ATXN2: variants seen among roughly 807,000 people sequenced by gnomAD.
The protein encoded by ATXN2 is ataxin 2.
Under a neutral mutation model 138.6 loss-of-function variants are expected in ATXN2, and 37 were observed. The ratio of observed to expected loss-of-function variants is 0.27; its 90% CI spans 0.21 to 0.35. The LOEUF (loss-of-function observed/expected upper bound fraction) is 0.35, where lower values mean the gene tolerates loss of function less well. ATXN2 is among the 10% of genes least tolerant of loss of function. The probability of loss-of-function intolerance (pLI) is 1.00; values close to 1 mark genes in which losing one functional copy is unlikely to be tolerated. For synonymous variants in ATXN2, 549 were observed against 543.7 expected (o/e 1.01, Z -0.13); for missense variants, 1,216 against 1,480.3 (o/e 0.82, Z 2.93).
At chr12:111,457,046 C>A (rs1022072563) in intron 22 of ATXN2, among the ~76,000 whole-genome samples, 168 bp downstream of exon 22, 2 of 152,208 alleles carry the variant, frequency 1.3e-5, no homozygotes, top group Non-Finnish European at 2.9e-5. Flanking sequence ...CTGCGCCCAG[C>A]CTTTAAATGT....
At chr12:111,466,122 C>T (rs1197987185) in intron 20 of ATXN2, among the ~76,000 whole-genome samples, 10 of 150,008 alleles carry the variant, frequency 6.7e-5, no homozygotes, top group South Asian at 2.1e-4. Flanking sequence ...GCTGAGATCG[C>T]GCCACTGCAC....
chr12:111,465,594 A>G (rs1257416656), intron 20 of ATXN2, among the ~76,000 whole-genome samples: 1 of 151,498 alleles, frequency 6.6e-6, no homozygotes, highest in Non-Finnish European at 1.5e-5. Context: ...AGACGGTGAA[A>G]CCCCGTCTCT....
At chr12:111,464,789 A>G (rs943094647) in intron 20 of ATXN2, 74 bp from the exon 21 acceptor site, 6 of 1,156,290 alleles carry the variant, frequency 5.2e-6, no homozygotes, top group African/African-American at 1.5e-5. Flanking sequence ...AAAGGTTGAC[A>G]TATTAGTAAT....
At position 111,599,018 on chromosome 12, in the gene ATXN2, T is replaced by C; in HGVS notation, c.17A>G (p.Gln6Arg). Residue 6 changes from glutamine (Q) to arginine (R), a missense_variant, in exon 1 of 25, where the codon CAG (glutamine) becomes CGG (arginine). Physicochemically the swap from Gln to Arg is conservative, Grantham distance 43 (BLOSUM62 1). This residue lies in a region of ATXN2 where 110 missense variants were observed against 88.7 expected (regional missense o/e 1.24). Transcript: ENST00000673436. ...CTGCTGCTGCTGCTGCTGCTGCTGC[T>C]GGGGCTTCAGCGACATGGTGAGGGG... The part of the protein sequence containing the change: MSLKP[Q>R]QQQQQQQQQQ... The C allele has an allele frequency of 1.3e-6, 2 of 1,503,358 alleles. No individual in the cohort carries two copies. Among genetic ancestry groups the C allele is most frequent in the East Asian group, 2.8e-5 (1 of 36,280 alleles). 93.1% of individuals were successfully genotyped at this position (1,503,358 alleles called of 1,614,324 possible).
intron 14 of ATXN2, among the ~76,000 whole-genome samples, chr12:111,507,085 C>A (rs1360444322): frequency 6.6e-6 from 1 of 152,022 alleles, no homozygotes; most frequent in Non-Finnish European, 1.5e-5. Context: ...CCGGCCGCCA[C>A]CCCGTCTGGG....
At chr12:111,486,621 A>C in intron 16 of ATXN2, 140 bp downstream of exon 16, 2 of 644,046 alleles carry the variant, frequency 3.1e-6, no homozygotes, top group Non-Finnish European at 2.7e-6. Flanking sequence ...AGTATTCATT[A>C]ATGGCCATGT....
intron 5 of ATXN2, among the ~76,000 whole-genome samples, chr12:111,534,183 T>C (rs1410325445): frequency 6.6e-6 from 1 of 151,940 alleles, no homozygotes; most frequent in African/African-American, 2.4e-5. Context: ...GTGGACTGCC[T>C]GAGCTCAGGA....
chr12:111,595,761 G>A (rs187261296), intron 1 of ATXN2, among the ~76,000 whole-genome samples: 9 of 151,474 alleles, frequency 5.9e-5, no homozygotes, highest in African/African-American at 2.2e-4. Flanking sequence ...GCAAAAATAA[G>A]AATTAGACTG....
At chr12:111,475,812 A>G (rs1472635786) in intron 18 of ATXN2, among the ~76,000 whole-genome samples, 2 of 152,196 alleles carry the variant, frequency 1.3e-5, no homozygotes, top group African/African-American at 2.4e-5. Context: ...AGGTAGTCCT[A>G]TTAGATTAGT....
chr12:111,520,988 A>C lies in ATXN2; in HGVS notation c.697-15T>G, dbSNP rs1880127131. 1 of 1,500,108 alleles carries C rather than the reference A, an allele frequency of 6.7e-7. No homozygotes were observed. Among genetic ancestry groups the C allele is most frequent in the Admixed American group, 1.8e-5 (1 of 54,216 alleles). The allele number at this position is 1,500,108 out of a possible 1,614,324, so 92.9% of individuals were successfully genotyped here. A position where few individuals can be genotyped will look rare whatever the true frequency, so the allele number is the denominator to read the frequency against. On this transcript the variant is annotated splice_polypyrimidine_tract_variant and intron_variant, in intron 6 of 24. Coordinates refer to ENST00000673436, the MANE Select transcript of ATXN2 (RefSeq NM_001372574.1). ...CATCCATTAGACTAGAAGAAAATGA[A>C]GCTTGTTTTTCAAAATGTCAAAGTA...
At chr12:111,500,074 A>T (rs533750391) in intron 14 of ATXN2, among the ~76,000 whole-genome samples, 85 of 152,328 alleles carry the variant, frequency 5.6e-4, no homozygotes, top group African/African-American at 1.9e-3. Context: ...AAAACTAAAA[A>T]TAGAGCTACC....
chr12:111,584,191 G>T (rs921109892), intron 1 of ATXN2, among the ~76,000 whole-genome samples: 1 of 151,614 alleles, frequency 6.6e-6, no homozygotes, highest in African/African-American at 2.4e-5. Flanking sequence ...AGACTAGCCT[G>T]AACAACATGG....
At chr12:111,494,425 CTTTTTTTTT>C (rs757341708) in intron 14 of ATXN2, among the ~76,000 whole-genome samples, 1 of 133,752 alleles carries the variant, frequency 7.5e-6, no homozygotes, top group Non-Finnish European at 1.6e-5. Flanking sequence ...TATGTGATCT[CTTTTTTTTT>C]TTTTTTTTTG....
chr12:111,578,757 G>C (rs1441638932), intron 1 of ATXN2, among the ~76,000 whole-genome samples: 1 of 152,044 alleles, frequency 6.6e-6, no homozygotes, highest in Non-Finnish European at 1.5e-5. Flanking sequence ...AAACCACAAT[G>C]AGGCCAGGCA....
chr12:111,505,184 A>C (rs2135721960), intron 14 of ATXN2, among the ~76,000 whole-genome samples: 1 of 152,290 alleles, frequency 6.6e-6, no homozygotes, highest in Non-Finnish European at 1.5e-5. Context: ...CCTCCAGCCT[A>C]AGCAAAAGAG....
At chr12:111,599,591 C>T (rs1885168153), upstream of ATXN2, 4 of 1,098,884 alleles carry the variant, frequency 3.6e-6, no homozygotes, top group Admixed American at 1.0e-4. Flanking sequence ...TCGGAGGGGT[C>T]AGACGGAAGC....
At chr12:111,527,945 A>G (rs547417697) in intron 5 of ATXN2, among the ~76,000 whole-genome samples, 1 of 152,226 alleles carries the variant, frequency 6.6e-6, no homozygotes, top group Non-Finnish European at 1.5e-5. Flanking sequence ...ATGTTCCAAG[A>G]AAACATCAAA....
chr12:111,578,907 T>C (rs1173682666), intron 1 of ATXN2, among the ~76,000 whole-genome samples: 1 of 152,008 alleles, frequency 6.6e-6, no homozygotes, highest in Non-Finnish European at 1.5e-5. Flanking sequence ...CCAGGTGTGG[T>C]GGTACATGCC....
At chr12:111,513,271 T>G (rs563411548) in intron 11 of ATXN2, 86 bp downstream of exon 11, 1 of 1,456,296 alleles carries the variant, frequency 6.9e-7, no homozygotes, top group African/African-American at 1.4e-5. Context: ...TACTTACACT[T>G]CCTCAAACAG....
Sources: gnomAD v4.1 joint callset for allele counts (sites outside exome capture counted in the v4.1 genomes callset) on GRCh38, gnomAD v4.1.1 for gene constraint, gnomAD v4.1.1 regional missense constraint, MANE v1.5 for transcripts, NCBI Gene and HGNC (gene_info 2026-07-23, HGNC 2026-07-21) for gene names.